ATM: variants seen among roughly 807,000 people sequenced by gnomAD.
ATM encodes the protein ATM serine/threonine kinase, also known as serine-protein kinase ATM.
ATM carries 308 observed loss-of-function variants against 387.0 expected under a neutral mutation model. That is an observed-to-expected ratio of 0.80 (90% confidence interval 0.73 to 0.87). ATM has a LOEUF of 0.87. Among genes scored for constraint, ATM ranks in the 40% least tolerant of loss-of-function variants. The pLI, the probability that ATM is intolerant of heterozygous loss-of-function variation, is 0.00. For synonymous variants in ATM, 1,156 were observed against 1,187.3 expected, an observed-to-expected ratio of 0.97 and a Z score of 0.54; for missense variants, 3,312 against 3,560.9, an observed-to-expected ratio of 0.93 and a Z score of 1.78.
At chr11:108,271,012 A>G in intron 18 of ATM, 52 bp from the exon 19 acceptor site, 2 of 1,481,692 alleles carry the variant, frequency 1.3e-6, no homozygotes, top group Non-Finnish European at 1.9e-6. Flanking sequence ...TATACTTTTT[A>G]AAGTAAATGA....
chr11:108,247,197 G>C lies in ATM; in HGVS notation c.1065+70G>C, dbSNP rs2079897537. 7.2e-6 allele frequency: 11 copies of C among 1,524,618 alleles called. No individual in the cohort carries two copies. In the East Asian group the frequency reaches 2.5e-4, roughly 35 times the overall value. The allele number at this position is 1,524,618 out of a possible 1,614,324, so 94.4% of individuals were successfully genotyped here. A position where few individuals can be genotyped will look rare whatever the true frequency, so the allele number is the denominator to read the frequency against. On this transcript the variant is annotated intron_variant, in intron 8 of 62. Coordinates refer to ENST00000675843, the MANE Select transcript of ATM (RefSeq NM_000051.4). ...TTTTTTTTTAAACTGGGCATTTTGG[G>C]CTTTTAAAACCTGTGTTCTCACAAA...
At chr11:108,279,677 C>A in intron 23 of ATM, 69 bp downstream of exon 23, 2 of 1,247,630 alleles carry the variant, frequency 1.6e-6, no homozygotes, top group Non-Finnish European at 2.3e-6. Context: ...ATTACTTCAC[C>A]AAGTTTGGTA....
Position 108,331,428 on chromosome 11 carries a change from T to G in ATM, c.7516-16T>G. On this transcript the variant is annotated splice_polypyrimidine_tract_variant and intron_variant, in intron 50 of 62. Transcript: ENST00000675843. Reference sequence around the variant, plus strand: ...ATACCTTGTTTCTTAATTTTGTGTCTTTTTTTTAATGGTAGAGAGACGGAA... The same window carrying G: ...ATACCTTGTTTCTTAATTTTGTGTCGTTTTTTTAATGGTAGAGAGACGGAA... 6.3e-7 allele frequency: 1 copy of G among 1,594,798 alleles called. No homozygotes were observed. The highest frequency in any genetic ancestry group is 8.5e-7 in the Non-Finnish European group (1 of 1,169,710).
At chr11:108,264,363 A>G (rs1489657860) in intron 16 of ATM, among the ~76,000 whole-genome samples, 1 of 152,248 alleles carries the variant, frequency 6.6e-6, no homozygotes, top group Non-Finnish European at 1.5e-5. Flanking sequence ...GCATGTAAAC[A>G]GAACCAAAGA....
intron 50 of ATM, among the ~76,000 whole-genome samples, 163 bp downstream of exon 50, chr11:108,330,584 A>G (rs916709740): frequency 3.3e-5 from 5 of 152,216 alleles, no homozygotes; most frequent in Admixed American, 6.5e-5. Context: ...ATCCATATTT[A>G]GGATTATTTA....
At chr11:108,237,394 C>G (rs1372717801) in intron 5 of ATM, among the ~76,000 whole-genome samples, 1 of 152,170 alleles carries the variant, frequency 6.6e-6, no homozygotes, top group African/African-American at 2.4e-5. Flanking sequence ...TTCCCCTAGT[C>G]TGCTTACTAT....
Position 108,289,779 on chromosome 11 carries a change from T to G in ATM, c.4414T>G (p.Leu1472Val), listed in dbSNP as rs539676759. The change falls in exon 29 of 63, where the codon TTG becomes GTG. Residue 1472 changes from leucine to valine, a missense_variant. Around this residue, in one of 4 missense-constraint regions of ATM, gnomAD observed 1,791 missense variants for 1,804.5 expected, o/e 0.99. Coordinates refer to ENST00000675843, the MANE Select transcript of ATM (RefSeq NM_000051.4). Reference protein sequence around the residue: ...AFVLRDVIYTLIHYINQRPSC... With the variant: ...AFVLRDVIYTVIHYINQRPSC... ...TGTTCTTCGAGACGTTATTTATACT[T>G]TGATTCACTATATCAACCAAAGGTA... is the stretch of plus-strand genomic sequence containing the variant. 134 of 1,613,082 alleles carry G rather than the reference T, an allele frequency of 8.3e-5. No individual in the cohort carries two copies. The highest frequency in any genetic ancestry group is 3.2e-4 in the Admixed American group (19 of 59,976).
At chr11:108,270,524 C>A (rs2081515829) in intron 18 of ATM, among the ~76,000 whole-genome samples, 1 of 151,988 alleles carries the variant, frequency 6.6e-6, no homozygotes. Flanking sequence ...GGTACGAAGG[C>A]CCTAGATGAC....
chr11:108,309,453 G>A (rs2083959805), intron 38 of ATM, among the ~76,000 whole-genome samples: 1 of 152,162 alleles, frequency 6.6e-6, no homozygotes, highest in South Asian at 2.1e-4. Context: ...GCATTTGCAA[G>A]TAAGGAAACT....
At chr11:108,264,208 T>C (rs1176777523) in intron 16 of ATM, among the ~76,000 whole-genome samples, 1 of 152,058 alleles carries the variant, frequency 6.6e-6, no homozygotes, top group African/African-American at 2.4e-5. Context: ...ATATCCTTGA[T>C]GAACATTGAT....
At chr11:108,344,698 T>C (rs907334186) in intron 57 of ATM, among the ~76,000 whole-genome samples, 1 of 152,022 alleles carries the variant, frequency 6.6e-6, no homozygotes, top group East Asian at 1.9e-4. Context: ...TAGGATTTGA[T>C]TGCTGATTAA....
Position 108,316,906 on chromosome 11 carries a change from A to G in ATM, c.6199-467A>G, listed in dbSNP as rs573195051. Among the ~76,000 whole-genome samples, 45 of 152,130 alleles carry G rather than the reference A, an allele frequency of 3.0e-4. 1 individual carries two copies. In the South Asian group the frequency reaches 9.1e-3, roughly 31 times the overall value. ...GCGCCACTGCACTCCAGCCTGGGCAATAGAGCGAGACTCCATCTCAAAAAT... is the reference window on the plus strand; with the variant it reads ...GCGCCACTGCACTCCAGCCTGGGCAGTAGAGCGAGACTCCATCTCAAAAAT... On this transcript the variant is annotated intron_variant, in intron 42 of 62. Coordinates refer to ENST00000675843, the MANE Select transcript of ATM (RefSeq NM_000051.4).
At chr11:108,348,959 A>G (rs765478092) in intron 59 of ATM, among the ~76,000 whole-genome samples, 7 of 152,174 alleles carry the variant, frequency 4.6e-5, no homozygotes, top group Non-Finnish European at 8.8e-5. Context: ...CAGAATGTAG[A>G]AAAAGAAGTG....
intron 24 of ATM, 120 bp from the exon 25 acceptor site, chr11:108,282,590 G>A (rs1591640478): frequency 1.1e-6 from 1 of 926,506 alleles, no homozygotes; most frequent in East Asian, 2.6e-5. Context: ...CATAGATGAG[G>A]AAATCAAGAA....
At chr11:108,317,708 A>ATG (rs1242444683) in intron 43 of ATM, among the ~76,000 whole-genome samples, 187 bp downstream of exon 43, 1 of 142,376 alleles carries the variant, frequency 7.0e-6, no homozygotes, top group African/African-American at 2.6e-5. Context: ...TATAGTGTGT[A>ATG]TGTGTGTATA....
At chr11:108,298,675 C>CT (rs2083250101) in intron 33 of ATM, among the ~76,000 whole-genome samples, 2 of 152,172 alleles carry the variant, frequency 1.3e-5, no homozygotes, top group South Asian at 4.1e-4. Flanking sequence ...CAACAGTGTA[C>CT]TGGAAGTTCT....
chr11:108,293,868 A>C (rs2082952957), intron 31 of ATM, among the ~76,000 whole-genome samples: 1 of 120,452 alleles, frequency 8.3e-6, no homozygotes, highest in Admixed American at 9.2e-5. Flanking sequence ...ACAGAGTGAG[A>C]CCCTGTCTCA....
chr11:108,233,624 A>C (rs909004441), intron 4 of ATM, among the ~76,000 whole-genome samples: 3 of 151,910 alleles, frequency 2.0e-5, no homozygotes, highest in Non-Finnish European at 4.4e-5. Flanking sequence ...ACTTTTAAGA[A>C]AGATTTGATC....
At chr11:108,351,832 C>G (rs138289438) in intron 59 of ATM, among the ~76,000 whole-genome samples, 1 of 152,224 alleles carries the variant, frequency 6.6e-6, no homozygotes, top group Non-Finnish European at 1.5e-5. Context: ...TGCAATGTAT[C>G]ATTTATACTG....
Sources: allele counts gnomAD v4.1 joint callset (sites outside exome capture counted in the v4.1 genomes callset), GRCh38; gene constraint gnomAD v4.1.1; regional missense constraint gnomAD v4.1.1; transcripts MANE v1.5; gene names NCBI Gene and HGNC (gene_info 2026-07-23, HGNC 2026-07-21).